The following PLA2G5 variants were observed in gnomAD, a reference collection of about 807,000 sequenced individuals.
PLA2G5 encodes the protein phospholipase A2 group V, also known as Ca2+-dependent phospholipase A2.
Under a neutral mutation model 15.9 loss-of-function variants are expected in PLA2G5, and 12 were observed. That is an observed-to-expected ratio of 0.76 (90% CI 0.48 to 1.23). The LOEUF is 1.23. Among genes scored for constraint, PLA2G5 ranks in the 50% most tolerant of loss-of-function variants. PLA2G5 has a pLI of 0.00. For synonymous variants in PLA2G5, 71 were observed against 71.4 expected (o/e 0.99, Z 0.03); for missense variants, 169 against 177.1 (o/e 0.95, Z 0.26).
rs147201627 is a variant in PLA2G5, at chr1:20,045,187, G to C, written n.277-14445G>C. ...AGTTGAAGAGGTTTTAAGTGCTTGA[G>C]AACACAGGATAAGGGAGAAACAGGA... On this transcript the variant is annotated intron_variant and non_coding_transcript_variant, in intron 1 of 6. Transcript: ENST00000460175. Among the ~76,000 whole-genome samples the C allele has an allele frequency of 2.2e-4, 34 of 152,264 alleles. No homozygotes were observed. In the East Asian group the frequency reaches 6.4e-3, roughly 28 times the overall value.
chr1:20,081,617 T>C (rs2016031318), intron 1 of PLA2G5, among the ~76,000 whole-genome samples: 1 of 151,668 alleles, frequency 6.6e-6, no homozygotes, highest in African/African-American at 2.4e-5. Context: ...CTTCCCTAGT[T>C]GTCCAGTTTC....
At chr1:20,061,276 C>T (rs1181041488) in intron 2 of PLA2G5, among the ~76,000 whole-genome samples, 1 of 152,104 alleles carries the variant, frequency 6.6e-6, no homozygotes, top group Non-Finnish European at 1.5e-5. Context: ...CTGACTGCCC[C>T]ACTCATATTA....
intron 1 of PLA2G5, among the ~76,000 whole-genome samples, chr1:20,054,363 G>A (rs982516791): frequency 3.9e-5 from 6 of 152,180 alleles, no homozygotes; most frequent in African/African-American, 1.4e-4. Flanking sequence ...TGTCATGGTA[G>A]CTGCATTCAT....
intron 1 of PLA2G5, among the ~76,000 whole-genome samples, chr1:20,045,628 A>C (rs1261493639): frequency 2.6e-5 from 4 of 152,228 alleles, no homozygotes; most frequent in African/African-American, 4.8e-5. Context: ...GAGTAAAAAG[A>C]GGCTGCTTAC....
upstream of PLA2G5, chr1:20,068,765 T>G (rs1472171967): frequency 2.8e-6 from 1 of 354,908 alleles, no homozygotes; most frequent in Admixed American, 4.2e-5. Flanking sequence ...GTTTTTATAT[T>G]ATAAAAATGC....
At chr1:20,032,492 G>T (rs567705856) in intron 1 of PLA2G5, among the ~76,000 whole-genome samples, 3 of 152,258 alleles carry the variant, frequency 2.0e-5, no homozygotes, top group Non-Finnish European at 4.4e-5. Flanking sequence ...GCCCTGGCAG[G>T]TGTCTTCAGG....
intron 1 of PLA2G5, among the ~76,000 whole-genome samples, chr1:20,031,539 C>T (rs1211579554): frequency 6.6e-6 from 1 of 151,898 alleles, no homozygotes; most frequent in East Asian, 1.9e-4. Flanking sequence ...AAACAATGTA[C>T]CAGATAAAAG....
intron 1 of PLA2G5, among the ~76,000 whole-genome samples, chr1:20,029,170 G>A (rs1164301357): frequency 6.6e-6 from 1 of 152,294 alleles, no homozygotes; most frequent in East Asian, 1.9e-4. Context: ...CTCAGCAGAT[G>A]TGGAAACCAG....
In PLA2G5 at chr1:20,060,247, C is replaced by CTTTTTTTTTTTTTT. The variant is rs71585739; in HGVS notation, n.337+566_337+579dup. The stretch of plus-strand genomic sequence containing the variant: ...CTATTTACTGACTTTCTTTTTTCTT[C>CTTTTTTTTTTTTTT]TTTTTTTTTTTTTTTTTTTTTTTTG... On this transcript the variant is annotated intron_variant and non_coding_transcript_variant, in intron 2 of 6. Transcript: ENST00000460175. Among the ~76,000 whole-genome samples, 96 of 83,698 alleles carry CTTTTTTTTTTTTTT rather than the reference C, an allele frequency of 1.1e-3. 2 individuals carry two copies. Among genetic ancestry groups the CTTTTTTTTTTTTTT allele is most frequent in the South Asian group, 1.6e-3 (3 of 1,848 alleles). 54.9% of individuals were successfully genotyped at this position (83,698 alleles called of 152,430 possible).
intron 1 of PLA2G5, among the ~76,000 whole-genome samples, chr1:20,079,575 A>C (rs745343085): frequency 2.0e-5 from 3 of 152,156 alleles, no homozygotes; most frequent in Non-Finnish European, 2.9e-5. Context: ...CAGTGGTGCA[A>C]TCACAGTTCA....
At chr1:20,084,903 T>C in intron 2 of PLA2G5, 33 bp downstream of exon 2, 3 of 1,503,482 alleles carry the variant, frequency 2.0e-6, no homozygotes, top group Non-Finnish European at 2.8e-6. Context: ...TCGAATGAAC[T>C]TTTACCCCAT....
chr1:20,029,374 C>T (rs2012768468), intron 1 of PLA2G5, among the ~76,000 whole-genome samples: 1 of 152,214 alleles, frequency 6.6e-6, no homozygotes, highest in South Asian at 2.1e-4. Flanking sequence ...CATGTTCCTC[C>T]GCTGACATGT....
At chr1:20,029,720 G>T (rs1482906500) in intron 1 of PLA2G5, among the ~76,000 whole-genome samples, 1 of 152,174 alleles carries the variant, frequency 6.6e-6, no homozygotes, top group Non-Finnish European at 1.5e-5. Context: ...TCAGTCCTGC[G>T]AACAGGGGAT....
intron 1 of PLA2G5, among the ~76,000 whole-genome samples, chr1:20,052,987 C>A (rs1234400245): frequency 2.6e-5 from 4 of 152,186 alleles, no homozygotes; most frequent in Non-Finnish European, 2.9e-5. Flanking sequence ...GTAGTCCCAC[C>A]CTTCTGGACC....
intron 1 of PLA2G5, among the ~76,000 whole-genome samples, chr1:20,049,185 T>C (rs931970043): frequency 7.2e-5 from 11 of 151,824 alleles, no homozygotes; most frequent in African/African-American, 2.2e-4. Flanking sequence ...AAATGACTGG[T>C]TATTTAAGAA....
intron 1 of PLA2G5, among the ~76,000 whole-genome samples, chr1:20,052,286 G>A (rs2014216761): frequency 6.6e-6 from 1 of 151,448 alleles, no homozygotes; most frequent in Admixed American, 6.6e-5. Context: ...TTGGCTACAA[G>A]TCTTTCAAAT....
upstream of PLA2G5, among the ~76,000 whole-genome samples, chr1:20,068,390 C>T (rs1301156475): frequency 6.7e-6 from 1 of 149,348 alleles, no homozygotes; most frequent in African/African-American, 2.5e-5. Context: ...CAGGACTTTG[C>T]AAACAAGGTA....
intron 1 of PLA2G5, among the ~76,000 whole-genome samples, chr1:20,077,881 T>A (rs78496334): frequency 2.6e-5 from 4 of 152,298 alleles, no homozygotes; most frequent in African/African-American, 9.6e-5. Flanking sequence ...CATTGTTTGT[T>A]GAGTCAAAGC....
At chr1:20,066,998 C>T (rs892785714), upstream of PLA2G5, among the ~76,000 whole-genome samples, 1 of 45,808 alleles carries the variant, frequency 2.2e-5, no homozygotes, top group African/African-American at 7.0e-5. Flanking sequence ...AGAGTGAGAC[C>T]TTGTCTTTTT....
Sources: allele counts gnomAD v4.1 joint callset (sites outside exome capture counted in the v4.1 genomes callset), GRCh38; gene constraint gnomAD v4.1.1; transcripts MANE v1.5; gene names NCBI Gene and HGNC (gene_info 2026-07-23, HGNC 2026-07-21).